STX7: variants seen among roughly 807,000 people sequenced by gnomAD.
STX7 encodes the protein syntaxin 7.
In STX7, 34 loss-of-function variants were observed where a neutral mutation model predicts 39.6. That is an observed-to-expected ratio of 0.86 (90% CI 0.65 to 1.14). STX7 has a LOEUF of 1.14. STX7 is among the 50% of genes most tolerant of loss of function. STX7 has a pLI of 0.00. For missense variants in STX7, 284 were observed against 310.4 expected (o/e 0.92, Z 0.64); for synonymous variants, 119 against 99.1 (o/e 1.20, Z -1.19).
chr6:132,487,729 A>C lies in STX7; in HGVS notation c.86-12067T>G, dbSNP rs141585767. 1.6e-3 allele frequency among the ~76,000 whole-genome samples: 245 copies of C among 152,338 alleles called. 1 individual carries two copies. The highest frequency in any genetic ancestry group is 5.7e-3 in the African/African-American group (235 of 41,584). On this transcript the variant is annotated intron_variant, in intron 2 of 9. Transcript: ENST00000367941. ...GTACAGAATATATGTAAATATGTAT[A>C]GATTTTTACATATAAAATATGTAGA...
At position 132,454,639 on chromosome 6, in the gene STX7, A is replaced by C. The variant is rs1774208024; in HGVS notation, c.*6119T>G. On this transcript the variant is annotated 3_prime_UTR_variant, in exon 10 of 10. Transcript: ENST00000367941. Reference sequence around the variant, plus strand: ...TGGTCACATACTCCATTCTAGATTTAAAGAAAATTTAAAACAACATAGAAA... The same window carrying C: ...TGGTCACATACTCCATTCTAGATTTCAAGAAAATTTAAAACAACATAGAAA... 6.6e-6 allele frequency: 1 copy of C among 152,220 alleles called. No homozygotes were observed. The highest frequency in any genetic ancestry group is 1.5e-5 in the Non-Finnish European group (1 of 68,022). The allele number at this position is 152,220 out of a possible 1,614,324, so 9.4% of individuals were successfully genotyped here. A position where few individuals can be genotyped will look rare whatever the true frequency, so the allele number is the denominator to read the frequency against.
intron 1 of STX7, among the ~76,000 whole-genome samples, chr6:132,505,044 T>C (rs1250310823): frequency 6.6e-6 from 1 of 152,200 alleles, no homozygotes; most frequent in Non-Finnish European, 1.5e-5. Flanking sequence ...AAGAGAGGAA[T>C]GGCCTAACAT....
intron 8 of STX7, among the ~76,000 whole-genome samples, chr6:132,466,563 G>A (rs545496537): frequency 6.6e-6 from 1 of 152,190 alleles, no homozygotes; most frequent in South Asian, 2.1e-4. Context: ...AGAGGATCCA[G>A]GGCTAAGTCC....
In STX7 at chr6:132,460,756, C is replaced by T. The variant is rs1774373118; in HGVS notation, c.*2G>A. On this transcript the variant is annotated 3_prime_UTR_variant, in exon 10 of 10. Coordinates refer to ENST00000367941, the MANE Select transcript of STX7 (RefSeq NM_003569.3). ...AGTGCGACAGTGTGCTCCTTTATAA[C>T]TTCAGTGGTTCAATCCCCATATGAT... The T allele has an allele frequency of 6.2e-7, 1 of 1,607,166 alleles. No individual in the cohort carries two copies. The highest frequency in any genetic ancestry group is 1.3e-5 in the African/African-American group (1 of 74,850).
intron 2 of STX7, among the ~76,000 whole-genome samples, chr6:132,489,213 A>G (rs1396182186): frequency 6.9e-6 from 1 of 144,570 alleles, no homozygotes; most frequent in African/African-American, 2.8e-5. Flanking sequence ...AAAAAAAAAA[A>G]AAAAAAAAAA....
At chr6:132,472,978 C>T (rs1323299662) in intron 3 of STX7, among the ~76,000 whole-genome samples, 2 of 152,030 alleles carry the variant, frequency 1.3e-5, no homozygotes, top group African/African-American at 2.4e-5. Context: ...GCCAACATGG[C>T]GAAACCCCAT....
At chr6:132,476,105 T>C (rs1218108976) in intron 2 of STX7, among the ~76,000 whole-genome samples, 2 of 152,192 alleles carry the variant, frequency 1.3e-5, no homozygotes, top group African/African-American at 4.8e-5. Flanking sequence ...ATCCATGTAA[T>C]AACTGATTTC....
intron 2 of STX7, among the ~76,000 whole-genome samples, chr6:132,481,649 T>C (rs1386896809): frequency 6.6e-6 from 1 of 152,164 alleles, no homozygotes; most frequent in Non-Finnish European, 1.5e-5. Flanking sequence ...CCTAATAGAA[T>C]GCATTTAACT....
intron 1 of STX7, among the ~76,000 whole-genome samples, chr6:132,507,324 G>GATCTCAATAAATCTCA (rs1775728480): frequency 6.6e-6 from 1 of 152,160 alleles, no homozygotes; most frequent in Non-Finnish European, 1.5e-5. Context: ...ATAATTTATT[G>GATCTCAATAAATCTCA]AGATATGGCA....
intron 2 of STX7, among the ~76,000 whole-genome samples, chr6:132,481,007 CT>C (rs1257589298): frequency 6.6e-6 from 1 of 152,056 alleles, no homozygotes; most frequent in African/African-American, 2.4e-5. Flanking sequence ...TTCAGTTTTG[CT>C]GAAAGAGGAG....
rs753756018 is a variant in STX7, at chr6:132,471,550, T to G, written c.300A>C (p.Ser100=). 1.9e-6 allele frequency: 3 copies of G among 1,613,876 alleles called. No individual in the cohort carries two copies. The Admixed American group carries it at 5.0e-5, about 27-fold the overall frequency. Residue 100 remains serine (S), a synonymous_variant, in exon 5 of 10, where the codon TCA becomes TCC. Transcript: ENST00000367941. Reference sequence around the variant, plus strand: ...TCTGGACCTTCTGGAAGTTTGTCAGTGATGTTGTGAACTCTGCCACTAAGC... The same window carrying G: ...TCTGGACCTTCTGGAAGTTTGTCAGGGATGTTGTGAACTCTGCCACTAAGC... ...KDRLVAEFTT[S]LTNFQKVQRQ...
intron 2 of STX7, among the ~76,000 whole-genome samples, chr6:132,489,992 G>A (rs543293534): frequency 5.9e-5 from 9 of 152,310 alleles, no homozygotes; most frequent in African/African-American, 2.2e-4. Context: ...CTAGATGGCT[G>A]GAACATTACA....
intron 1 of STX7, among the ~76,000 whole-genome samples, chr6:132,511,540 A>G (rs57190537): frequency 0.019 from 2,912 of 152,332 alleles, 80 homozygotes; most frequent in African/African-American, 0.065. Context: ...TACTTCTGGA[A>G]TATAAACAGG....
Position 132,458,581 on chromosome 6 carries a change from A to G in STX7, c.*2177T>C, listed in dbSNP as rs1452716162. 6.6e-6 allele frequency: 1 copy of G among 152,194 alleles called. No homozygotes were observed. Among genetic ancestry groups the G allele is most frequent in the Non-Finnish European group, 1.5e-5 (1 of 68,028 alleles). The allele number at this position is 152,194 out of a possible 1,614,324, so 9.4% of individuals were successfully genotyped here. On this transcript the variant is annotated 3_prime_UTR_variant, in exon 10 of 10. Coordinates refer to ENST00000367941, the MANE Select transcript of STX7 (RefSeq NM_003569.3). Reference sequence around the variant, plus strand: ...GGATTCACCATGCTGTCAGTTATGAAAACAACTCTAATTTTAATCTCCACA... The same window carrying G: ...GGATTCACCATGCTGTCAGTTATGAGAACAACTCTAATTTTAATCTCCACA...
chr6:132,500,210 T>C (rs1336408071), intron 2 of STX7, among the ~76,000 whole-genome samples: 1 of 105,780 alleles, frequency 9.5e-6, no homozygotes, highest in Non-Finnish European at 2.1e-5. Context: ...GATCTGATTA[T>C]GTCTCTCCTC....
Position 132,464,087 on chromosome 6 carries a change from A to AC in STX7, c.611-13_611-12insG. ...GGCTTCTATGCTATCTGTAAAATAA[A>AC]ACACACACACACAAATGTGTTAAAC... is the stretch of plus-strand genomic sequence containing the variant. On this transcript the variant is annotated splice_polypyrimidine_tract_variant and intron_variant, in intron 8 of 9. Transcript: ENST00000367941. 4.4e-6 allele frequency: 7 copies of AC among 1,603,932 alleles called. No homozygotes were observed. Among genetic ancestry groups the AC allele is most frequent in the Non-Finnish European group, 6.0e-6 (7 of 1,171,858 alleles).
Position 132,460,578 on chromosome 6 carries a change from G to A in STX7, c.*180C>T. On this transcript the variant is annotated 3_prime_UTR_variant, in exon 10 of 10. Coordinates refer to ENST00000367941, the MANE Select transcript of STX7 (RefSeq NM_003569.3). Reference sequence around the variant, plus strand: ...GCAGTGACATTTAGAAAATCTTTCAGTATTAGAAAATATCAGATTTAATCC... The same window carrying A: ...GCAGTGACATTTAGAAAATCTTTCAATATTAGAAAATATCAGATTTAATCC... 1 of 443,918 alleles carries A rather than the reference G, an allele frequency of 2.3e-6. No homozygotes were observed. Among genetic ancestry groups the A allele is most frequent in the Non-Finnish European group, 3.9e-6 (1 of 254,268 alleles). The allele number at this position is 443,918 out of a possible 1,614,324, so 27.5% of individuals were successfully genotyped here.
Position 132,461,784 on chromosome 6 carries a change from C to T in STX7, c.694-934G>A, listed in dbSNP as rs77803135. ...AACCGAATGGTTAAGAATTTTGTTCCGTTCTTCATTCCTGGTTCAGTTGTA... is the reference window on the plus strand; with the variant it reads ...AACCGAATGGTTAAGAATTTTGTTCTGTTCTTCATTCCTGGTTCAGTTGTA... On this transcript the variant is annotated intron_variant, in intron 9 of 9. Coordinates refer to ENST00000367941, the MANE Select transcript of STX7 (RefSeq NM_003569.3). The T allele has an allele frequency of 2.6e-3, 3,873 of 1,482,336 alleles. 89 individuals carry two copies. In the African/African-American group the frequency reaches 0.046, roughly 18 times the overall value. The allele number at this position is 1,482,336 out of a possible 1,614,324, so 91.8% of individuals were successfully genotyped here.
At chr6:132,492,338 G>A (rs1775311709) in intron 2 of STX7, among the ~76,000 whole-genome samples, 1 of 152,148 alleles carries the variant, frequency 6.6e-6, no homozygotes, top group South Asian at 2.1e-4. Context: ...TCCAGCACAT[G>A]CCGGTATGTT....
Sources: gnomAD v4.1 joint callset for allele counts (sites outside exome capture counted in the v4.1 genomes callset) on GRCh38, gnomAD v4.1.1 for gene constraint, MANE v1.5 for transcripts, NCBI Gene and HGNC (gene_info 2026-07-23, HGNC 2026-07-21) for gene names.